The following NBPF26 variants were observed in gnomAD, a reference collection of about 807,000 sequenced individuals.
NBPF26 encodes NBPF family member NBPF26.
NBPF26 carries 79 observed loss-of-function variants against 119.6 expected under a neutral mutation model. The ratio of observed to expected loss-of-function variants is 0.66; its 90% confidence interval spans 0.55 to 0.80. The LOEUF is 0.80. Ranked by LOEUF, NBPF26 falls within the 30% of genes least tolerant of loss-of-function variation. The probability of loss-of-function intolerance (pLI) is 0.00; values close to 1 mark genes in which losing one functional copy is unlikely to be tolerated. For synonymous variants in NBPF26, 299 were observed against 457.7 expected (o/e 0.65, Z 4.43); for missense variants, 800 against 1,198.2 (o/e 0.67, Z 4.91).
At chr1:120,804,722 G>T (rs1339664377) in intron 4 of NBPF26, among the ~76,000 whole-genome samples, 1 of 117,340 alleles carries the variant, frequency 8.5e-6, no homozygotes, top group Non-Finnish European at 1.6e-5. Flanking sequence ...AGCTTTGGAC[G>T]TAGGGATGTC....
Position 120,840,211 on chromosome 1 carries a change from T to A in NBPF26, c.4104-139T>A, listed in dbSNP as rs1178396556. 7.1e-6 allele frequency: 9 copies of A among 1,260,182 alleles called. 2 individuals carry two copies. The East Asian group carries it at 7.2e-5, about 10-fold the overall frequency. The allele number at this position is 1,260,182 out of a possible 1,614,324, so 78.1% of individuals were successfully genotyped here. ...CTGTTCTATCCCAACATAAAGGCAA[T>A]AAATTTTTTTTTTACCTCATTAATG... is the stretch of plus-strand genomic sequence containing the variant. On this transcript the variant is annotated intron_variant, in intron 29 of 29. Transcript: ENST00000620612.
rs1169402662 is a variant in NBPF26, at chr1:120,745,233, T to G, written c.74-18395T>G. The stretch of plus-strand genomic sequence containing the variant: ...CCATGGTTTTTTAAACTGCAGATCA[T>G]GACCACGAATGGGTCATGAAACCAA... On this transcript the variant is annotated intron_variant, in intron 1 of 29. Coordinates refer to ENST00000620612, the Ensembl canonical transcript of NBPF26. Among the ~76,000 whole-genome samples, 4 of 109,742 alleles carry G rather than the reference T, an allele frequency of 3.6e-5. 2 individuals carry two copies. Among genetic ancestry groups the G allele is most frequent in the African/African-American group, 2.2e-4 (4 of 18,230 alleles). 72.0% of individuals were successfully genotyped at this position (109,742 alleles called of 152,430 possible). A position where few individuals can be genotyped will look rare whatever the true frequency, so the allele number is the denominator to read the frequency against.
chr1:120,812,902 G>C (rs1182658889), intron 10 of NBPF26, among the ~76,000 whole-genome samples: 2 of 109,752 alleles, frequency 1.8e-5, no homozygotes, highest in African/African-American at 1.0e-4. Context: ...CAGCCTGGGC[G>C]ACAGGGCAAG....
At chr1:120,792,513 T>A (rs1651502863) in intron 3 of NBPF26, among the ~76,000 whole-genome samples, 1 of 110,526 alleles carries the variant, frequency 9.0e-6, no homozygotes, top group Non-Finnish European at 1.7e-5. Context: ...TTGATTTTTT[T>A]TTTTTTGAAA....
At chr1:120,813,260 G>A (rs1180810313) in intron 10 of NBPF26, among the ~76,000 whole-genome samples, 2 of 123,936 alleles carry the variant, frequency 1.6e-5, no homozygotes, top group African/African-American at 8.5e-5. Context: ...ACATTTATTG[G>A]CACAGAGTAA....
Position 120,823,752 on chromosome 1 carries a change from C to CTGTGTCTG in NBPF26, c.2640-217_2640-216insCTGTGTGT, listed in dbSNP as rs1553272347. 1.2e-4 allele frequency among the ~76,000 whole-genome samples: 9 copies of CTGTGTCTG among 73,340 alleles called. 3 individuals carry two copies. Among genetic ancestry groups the CTGTGTCTG allele is most frequent in the African/African-American group, 1.0e-3 (9 of 8,822 alleles). The allele number at this position is 73,340 out of a possible 152,430, so 48.1% of individuals were successfully genotyped here. On this transcript the variant is annotated intron_variant, in intron 17 of 29. Transcript: ENST00000620612. ...ACCTGACCAATTCACTGAGCTCGCT[C>CTGTGTCTG]TGTGTGTGTGTGTGTGTGTGTGTGT... is the stretch of plus-strand genomic sequence containing the variant.
intron 11 of NBPF26, 152 bp from the exon 12 acceptor site, chr1:120,814,677 T>C: frequency 3.3e-6 from 2 of 609,830 alleles, no homozygotes; most frequent in Non-Finnish European, 5.7e-6. Context: ...TTTTCTATTC[T>C]TTCTCTTGGC....
chr1:120,804,786 G>A (rs1490181022), intron 4 of NBPF26, among the ~76,000 whole-genome samples: 1 of 117,286 alleles, frequency 8.5e-6, no homozygotes, highest in Non-Finnish European at 1.6e-5. Flanking sequence ...TAAGAAAGAA[G>A]AAATCAATCT....
intron 1 of NBPF26, among the ~76,000 whole-genome samples, chr1:120,745,199 C>T (rs1323602408): frequency 3.6e-5 from 4 of 109,830 alleles, no homozygotes; most frequent in African/African-American, 2.2e-4. Context: ...CTTTACTGCA[C>T]GCTTTAGTCC....
At chr1:120,769,968 CA>C (rs2101424993) in intron 2 of NBPF26, among the ~76,000 whole-genome samples, 1 of 109,640 alleles carries the variant, frequency 9.1e-6, no homozygotes, top group East Asian at 2.2e-4. Flanking sequence ...ACTCACTAAT[CA>C]AAATAATGTT....
At chr1:120,812,831 G>A (rs1651901475) in intron 10 of NBPF26, among the ~76,000 whole-genome samples, 1 of 105,034 alleles carries the variant, frequency 9.5e-6, no homozygotes, top group Non-Finnish European at 1.8e-5. Flanking sequence ...GCTGAGGCAG[G>A]AGAATCCTTT....
chr1:120,840,806 G>C, downstream of NBPF26: 3 of 583,302 alleles, frequency 5.1e-6, no homozygotes, highest in South Asian at 2.1e-5. Context: ...TCACATAACT[G>C]TGCAGCACAT....
intron 2 of NBPF26, among the ~76,000 whole-genome samples, chr1:120,776,127 C>T (rs1463199973): frequency 8.6e-6 from 1 of 116,666 alleles, no homozygotes; most frequent in East Asian, 2.1e-4. Context: ...TAGTTGAATG[C>T]CTTCTATATG....
chr1:120,790,792 G>A lies in NBPF26; in HGVS notation c.416-2369G>A, dbSNP rs1342582178. 6.6e-5 allele frequency among the ~76,000 whole-genome samples: 7 copies of A among 105,944 alleles called. 1 individual carries two copies. The highest frequency in any genetic ancestry group is 1.2e-4 in the Non-Finnish European group (7 of 57,384). The allele number at this position is 105,944 out of a possible 152,430, so 69.5% of individuals were successfully genotyped here. ...TTTTTGTATTTTTAGAAAAGATGGC[G>A]TTTCACCATGTTGGCCAGGCTGGTC... On this transcript the variant is annotated intron_variant, in intron 3 of 29. Coordinates refer to ENST00000620612, the Ensembl canonical transcript of NBPF26.
chr1:120,785,277 A>G (rs1334284191), intron 3 of NBPF26, 44 bp downstream of exon 3: 2 of 1,422,410 alleles, frequency 1.4e-6, no homozygotes, highest in East Asian at 2.3e-5. Context: ...CCTTCAGCAG[A>G]TACCTTTATT....
intron 15 of NBPF26, 140 bp from the exon 16 acceptor site, chr1:120,821,964 T>A (rs2101532898): frequency 9.3e-7 from 1 of 1,080,706 alleles, no homozygotes; most frequent in Non-Finnish European, 1.3e-6. Context: ...AGAAGGATAG[T>A]TTTATTCCTC....
At chr1:120,823,787 T>TGTGTGTGTGC (rs1652189326) in intron 17 of NBPF26, among the ~76,000 whole-genome samples, 187 bp from the exon 18 acceptor site, 1 of 113,438 alleles carries the variant, frequency 8.8e-6, no homozygotes, top group Non-Finnish European at 1.7e-5. Context: ...TGTGTGTGTG[T>TGTGTGTGTGC]GTGTCTTTCA....
Position 120,804,210 on chromosome 1 carries a change from T to C in NBPF26, c.752-1346T>C, listed in dbSNP as rs1387955429. ...TTAGGAGACCTGGGCTACAGAACAG[T>C]CTCTCAAGTTCCAGGCTCACAAAAC... On this transcript the variant is annotated intron_variant, in intron 4 of 29. Transcript: ENST00000620612. Among the ~76,000 whole-genome samples the C allele has an allele frequency of 6.8e-5, 5 of 73,874 alleles. 1 individual carries two copies. The highest frequency in any genetic ancestry group is 2.8e-4 in the Admixed American group (2 of 7,212). The allele number at this position is 73,874 out of a possible 152,430, so 48.5% of individuals were successfully genotyped here.
chr1:120,784,607 CTT>C (rs1183087287), intron 2 of NBPF26, among the ~76,000 whole-genome samples: 1 of 118,378 alleles, frequency 8.4e-6, no homozygotes, highest in Admixed American at 8.0e-5. Context: ...AGATACTTCT[CTT>C]TGCTCACCCC....
Sources: gnomAD v4.1 joint callset for allele counts (sites outside exome capture counted in the v4.1 genomes callset) on GRCh38, gnomAD v4.1.1 for gene constraint, MANE v1.5 for transcripts, NCBI Gene and HGNC (gene_info 2026-07-23, HGNC 2026-07-21) for gene names.